The following MIPOL1 variants were observed in gnomAD, a reference collection of about 807,000 sequenced individuals.
MIPOL1 encodes mirror-image polydactyly 1, also known as mirror-image polydactyly gene 1 protein.
MIPOL1 carries 57 observed loss-of-function variants against 60.9 expected under a neutral mutation model. That is an observed-to-expected ratio of 0.94 (90% CI 0.76 to 1.17). The LOEUF is 1.17. Among genes scored for constraint, MIPOL1 ranks in the 50% most tolerant of loss-of-function variants. The probability of loss-of-function intolerance (pLI) is 0.00; values close to 1 mark genes in which losing one functional copy is unlikely to be tolerated. For missense variants in MIPOL1, 551 were observed against 511.6 expected, an observed-to-expected ratio of 1.08 and a Z score of -0.74; for synonymous variants, 179 against 168.8, an observed-to-expected ratio of 1.06 and a Z score of -0.47.
intron 3 of MIPOL1, among the ~76,000 whole-genome samples, chr14:37,264,326 G>GA (rs565304245): frequency 6.3e-4 from 92 of 146,660 alleles, no homozygotes; most frequent in South Asian, 2.6e-3. Flanking sequence ...TAATGTTTCA[G>GA]AAAAAAAAAA....
intron 10 of MIPOL1, among the ~76,000 whole-genome samples, chr14:37,371,346 G>T (rs1232835157): frequency 6.6e-6 from 1 of 151,880 alleles, no homozygotes; most frequent in African/African-American, 2.4e-5. Context: ...AAATAGATAA[G>T]TTGAAAACAA....
chr14:37,213,128 A>G (rs1966976775), intron 1 of MIPOL1, among the ~76,000 whole-genome samples: 1 of 152,216 alleles, frequency 6.6e-6, no homozygotes, highest in Admixed American at 6.5e-5. Flanking sequence ...AGTGAAGACT[A>G]CAATAAATAC....
At chr14:37,212,271 C>T (rs944094790) in intron 1 of MIPOL1, 2 of 152,264 alleles carry the variant, frequency 1.3e-5, no homozygotes, top group Non-Finnish European at 2.9e-5. Flanking sequence ...TAAGTGGGCT[C>T]TTGGAGTCCC....
chr14:37,451,901 G>A (rs1453938604), intron 11 of MIPOL1, among the ~76,000 whole-genome samples: 3 of 135,600 alleles, frequency 2.2e-5, no homozygotes, highest in African/African-American at 5.7e-5. Context: ...TGCAAGCTCC[G>A]CCTCCCGGGT....
At chr14:37,394,556 A>T (rs1488990555) in intron 10 of MIPOL1, among the ~76,000 whole-genome samples, 1 of 151,682 alleles carries the variant, frequency 6.6e-6, no homozygotes, top group East Asian at 1.9e-4. Context: ...CCATTTGTAT[A>T]TCTTCTTTTG....
chr14:37,377,924 C>T (rs1383400512), intron 10 of MIPOL1, among the ~76,000 whole-genome samples: 2 of 151,778 alleles, frequency 1.3e-5, no homozygotes, highest in Non-Finnish European at 2.9e-5. Context: ...TCTGACTTTA[C>T]TATTTTTAAA....
At chr14:37,318,559 T>G (rs567766034) in intron 9 of MIPOL1, among the ~76,000 whole-genome samples, 2 of 152,278 alleles carry the variant, frequency 1.3e-5, no homozygotes, top group South Asian at 2.1e-4. Context: ...GTTCATCTGT[T>G]GTAATTACTT....
chr14:37,252,935 A>G (rs1974339631), intron 3 of MIPOL1, among the ~76,000 whole-genome samples: 1 of 151,818 alleles, frequency 6.6e-6, no homozygotes, highest in Non-Finnish European at 1.5e-5. Context: ...TAGAATGGAC[A>G]TTCATTGCTA....
At chr14:37,468,278 CA>C (rs1566659198) in intron 11 of MIPOL1, among the ~76,000 whole-genome samples, 1 of 152,000 alleles carries the variant, frequency 6.6e-6, no homozygotes, top group Non-Finnish European at 1.5e-5. Flanking sequence ...ACTTAACTGC[CA>C]GGGGGCTTCC....
intron 1 of MIPOL1, among the ~76,000 whole-genome samples, chr14:37,240,141 A>G (rs1465923081): frequency 6.6e-6 from 1 of 152,134 alleles, no homozygotes. Flanking sequence ...ATGGCTTGTT[A>G]TTAGGATATA....
intron 6 of MIPOL1, among the ~76,000 whole-genome samples, chr14:37,283,036 G>A (rs1287595785): frequency 1.4e-5 from 2 of 147,930 alleles, no homozygotes; most frequent in Admixed American, 6.8e-5. Context: ...TCCTCATGCT[G>A]TTTTTTTGTT....
In MIPOL1 at chr14:37,354,984, T is replaced by G. The variant is rs1391269929; in HGVS notation, c.829-14533T>G. Among the ~76,000 whole-genome samples, 3 of 109,788 alleles carry G rather than the reference T, an allele frequency of 2.7e-5. No homozygotes were observed. The Admixed American group carries it at 3.2e-4, about 12-fold the overall frequency. 72.0% of individuals were successfully genotyped at this position (109,788 alleles called of 152,430 possible). A position where few individuals can be genotyped will look rare whatever the true frequency, so the allele number is the denominator to read the frequency against. On this transcript the variant is annotated intron_variant, in intron 9 of 12. Transcript: ENST00000684589. Reference sequence around the variant, plus strand: ...GCTGGTTATTTTGCTCGTTAGTTGATGCAGTTTCTTCCTAGTCTTGATGGT... The same window carrying G: ...GCTGGTTATTTTGCTCGTTAGTTGAGGCAGTTTCTTCCTAGTCTTGATGGT...
intron 3 of MIPOL1, among the ~76,000 whole-genome samples, chr14:37,255,409 A>G (rs1281688500): frequency 6.6e-6 from 1 of 151,776 alleles, no homozygotes; most frequent in Non-Finnish European, 1.5e-5. Flanking sequence ...AGGTATTTTA[A>G]ATACATTTTT....
intron 1 of MIPOL1, among the ~76,000 whole-genome samples, chr14:37,234,457 C>T (rs983941130): frequency 4.6e-5 from 7 of 150,812 alleles, no homozygotes; most frequent in African/African-American, 1.7e-4. Context: ...TCTCAACGTG[C>T]TGGTATTACA....
chr14:37,267,381 A>C (rs1210458306), intron 4 of MIPOL1, among the ~76,000 whole-genome samples: 1 of 152,024 alleles, frequency 6.6e-6, no homozygotes, highest in Non-Finnish European at 1.5e-5. Flanking sequence ...CCAGCTACTC[A>C]GGAGGCTGAG....
At chr14:37,356,931 C>A (rs1003399138) in intron 9 of MIPOL1, among the ~76,000 whole-genome samples, 5 of 152,130 alleles carry the variant, frequency 3.3e-5, no homozygotes. Flanking sequence ...TGGCTCCTCC[C>A]CCCAGGATCT....
chr14:37,411,071 T>A (rs1395998450), intron 10 of MIPOL1, among the ~76,000 whole-genome samples: 2 of 152,098 alleles, frequency 1.3e-5, no homozygotes, highest in African/African-American at 4.8e-5. Flanking sequence ...AGGAGTCACA[T>A]CTAAACCTAG....
intron 10 of MIPOL1, among the ~76,000 whole-genome samples, chr14:37,416,441 C>G (rs1301552683): frequency 6.6e-6 from 1 of 152,126 alleles, no homozygotes; most frequent in African/African-American, 2.4e-5. Context: ...TACTACACAC[C>G]TAGGTTATAT....
chr14:37,526,401 G>C (rs139713369), intron 12 of MIPOL1, among the ~76,000 whole-genome samples: 4 of 141,176 alleles, frequency 2.8e-5, no homozygotes, highest in Non-Finnish European at 6.1e-5. Flanking sequence ...ACGGAGTCTC[G>C]TTCTGTCGTC....
Sources: allele counts gnomAD v4.1 joint callset (sites outside exome capture counted in the v4.1 genomes callset), GRCh38; gene constraint gnomAD v4.1.1; transcripts MANE v1.5; gene names NCBI Gene and HGNC (gene_info 2026-07-23, HGNC 2026-07-21).